Variants in GPC5 observed in about 807,000 individuals in gnomAD.
GPC5 encodes glypican 5.
A neutral mutation model predicts 53.9 loss-of-function variants in GPC5; 47 were observed. The ratio of observed to expected loss-of-function variants is 0.87; its 90% confidence interval spans 0.69 to 1.11. The LOEUF (loss-of-function observed/expected upper bound fraction) is 1.11. GPC5 is among the 50% of genes most tolerant of loss of function. The pLI is 0.00. For missense variants in GPC5, 748 were observed against 713.1 expected (o/e 1.05, Z -0.56); for synonymous variants, 286 against 263.3 (o/e 1.09, Z -0.84).
intron 5 of GPC5, among the ~76,000 whole-genome samples, chr13:91,771,740 T>C (rs978937623): frequency 2.6e-5 from 4 of 152,074 alleles, no homozygotes; most frequent in African/African-American, 9.7e-5. Context: ...AAGGAAAAAA[T>C]TAAAAATATA....
intron 7 of GPC5, among the ~76,000 whole-genome samples, chr13:92,751,999 T>A (rs1889416952): frequency 6.6e-6 from 1 of 151,894 alleles, no homozygotes; most frequent in Admixed American, 6.6e-5. Context: ...ATGAATTGAA[T>A]ATAATAGTAT....
intron 5 of GPC5, among the ~76,000 whole-genome samples, chr13:91,906,105 C>T (rs2039550292): frequency 6.6e-6 from 1 of 152,008 alleles, no homozygotes; most frequent in Non-Finnish European, 1.5e-5. Flanking sequence ...CTTAAACATT[C>T]AGGGTAGAAT....
intron 7 of GPC5, among the ~76,000 whole-genome samples, chr13:92,631,466 T>C (rs1400693082): frequency 6.6e-6 from 1 of 152,156 alleles, no homozygotes; most frequent in African/African-American, 2.4e-5. Flanking sequence ...ATGCATTTGC[T>C]TTGAGAAACA....
intron 2 of GPC5, among the ~76,000 whole-genome samples, chr13:91,571,752 C>T (rs558747075): frequency 7.0e-6 from 1 of 142,106 alleles, no homozygotes; most frequent in Admixed American, 6.9e-5. Context: ...TATATACACA[C>T]ATATACATGT....
intron 2 of GPC5, among the ~76,000 whole-genome samples, chr13:91,569,814 C>T (rs1230809169): frequency 1.3e-5 from 2 of 152,104 alleles, no homozygotes; most frequent in Non-Finnish European, 2.9e-5. Context: ...TATGTGAGGA[C>T]ACCTTGACAG....
rs549045530 is a variant in GPC5, at chr13:91,398,732, C to T, written c.-315C>T. The stretch of plus-strand genomic sequence containing the variant: ...CGGCAGCAGTTGCAGCAGTGGTGGC[C>T]AGAGCGGATGCTTGCGGGCTCCCTG... On this transcript the variant is annotated 5_prime_UTR_variant, in exon 1 of 8. Coordinates refer to ENST00000377067, the MANE Select transcript of GPC5 (RefSeq NM_004466.6). 8.3e-4 allele frequency: 265 copies of T among 319,288 alleles called. 1 individual carries two copies. Among genetic ancestry groups the T allele is most frequent in the African/African-American group, 5.3e-3 (242 of 46,092 alleles). The allele number at this position is 319,288 out of a possible 1,614,324, so 19.8% of individuals were successfully genotyped here. A position where few individuals can be genotyped will look rare whatever the true frequency, so the allele number is the denominator to read the frequency against.
chr13:91,692,558 A>G (rs1413866316), intron 2 of GPC5, among the ~76,000 whole-genome samples: 1 of 152,224 alleles, frequency 6.6e-6, no homozygotes, highest in Non-Finnish European at 1.5e-5. Context: ...AAATTTCTCA[A>G]TGACACTTTT....
At chr13:92,167,315 A>G (rs576766072) in intron 7 of GPC5, among the ~76,000 whole-genome samples, 2 of 152,312 alleles carry the variant, frequency 1.3e-5, no homozygotes, top group Non-Finnish European at 2.9e-5. Context: ...ATGTATAGTG[A>G]GAATTCTTTT....
intron 7 of GPC5, among the ~76,000 whole-genome samples, chr13:92,297,701 T>A (rs1390765589): frequency 1.3e-5 from 2 of 151,972 alleles, no homozygotes; most frequent in Non-Finnish European, 2.9e-5. Flanking sequence ...AAAACAGGCC[T>A]CTCGGCTCTA....
At chr13:92,050,793 G>A (rs1368115574) in intron 6 of GPC5, among the ~76,000 whole-genome samples, 4 of 152,094 alleles carry the variant, frequency 2.6e-5, no homozygotes, top group Non-Finnish European at 5.9e-5. Context: ...ACAAACCCCA[G>A]TGTTCCAAAA....
At chr13:92,577,037 C>A (rs1335886812) in intron 7 of GPC5, among the ~76,000 whole-genome samples, 1 of 152,038 alleles carries the variant, frequency 6.6e-6, no homozygotes, top group Admixed American at 6.6e-5. Context: ...TTTTAGCTAG[C>A]AAATTTCCAA....
At chr13:92,026,577 A>G (rs1396637855) in intron 6 of GPC5, among the ~76,000 whole-genome samples, 1 of 151,880 alleles carries the variant, frequency 6.6e-6, no homozygotes, top group African/African-American at 2.4e-5. Context: ...CAGCTACCTT[A>G]TAAAAAATTA....
intron 7 of GPC5, among the ~76,000 whole-genome samples, chr13:92,458,934 C>T (rs1030644582): frequency 2.6e-5 from 4 of 152,024 alleles, no homozygotes; most frequent in African/African-American, 4.8e-5. Flanking sequence ...TTTGTGAGTG[C>T]CTACTTTGGA....
intron 2 of GPC5, among the ~76,000 whole-genome samples, chr13:91,480,531 T>C (rs1225665547): frequency 6.6e-6 from 1 of 152,222 alleles, no homozygotes; most frequent in African/African-American, 2.4e-5. Flanking sequence ...AAAGGCTCTT[T>C]TGTAAAACTT....
At chr13:91,449,073 A>C in intron 2 of GPC5, 151 bp downstream of exon 2, 1 of 852,932 alleles carries the variant, frequency 1.2e-6, no homozygotes, top group South Asian at 1.8e-5. Flanking sequence ...CTAGCCTTCA[A>C]AACTTGTTTC....
intron 6 of GPC5, among the ~76,000 whole-genome samples, chr13:92,100,884 GACAT>G (rs2138911617): frequency 6.6e-6 from 1 of 152,276 alleles, no homozygotes; most frequent in Non-Finnish European, 1.5e-5. Context: ...TCCACTTACA[GACAT>G]ACATAATAAT....
At chr13:92,402,501 T>C (rs533922938) in intron 7 of GPC5, among the ~76,000 whole-genome samples, 1 of 152,302 alleles carries the variant, frequency 6.6e-6, no homozygotes, top group African/African-American at 2.4e-5. Context: ...TTTATGATAT[T>C]GATCCCTTTT....
rs568692749 is a variant in GPC5, at chr13:91,823,383, T to C, written c.1280+66963T>C. On this transcript the variant is annotated intron_variant, in intron 5 of 7. Coordinates refer to ENST00000377067, the MANE Select transcript of GPC5 (RefSeq NM_004466.6). ...TAACAAAATGTCTTTTTTTGTTTGT[T>C]TGATGCTCCACAGATGTGAAATATG... 7.9e-5 allele frequency among the ~76,000 whole-genome samples: 12 copies of C among 152,238 alleles called. No individual in the cohort carries two copies. In the South Asian group the frequency reaches 8.3e-4, roughly 11 times the overall value.
chr13:92,263,880 G>A (rs765486137), intron 7 of GPC5, among the ~76,000 whole-genome samples: 5 of 152,088 alleles, frequency 3.3e-5, no homozygotes, highest in Non-Finnish European at 7.4e-5. Context: ...ATTCATTGGT[G>A]GGAGCAGTAT....
Sources: allele counts gnomAD v4.1 joint callset (sites outside exome capture counted in the v4.1 genomes callset), GRCh38; gene constraint gnomAD v4.1.1; transcripts MANE v1.5; gene names NCBI Gene and HGNC (gene_info 2026-07-23, HGNC 2026-07-21).